IGFL4: variants seen among roughly 807,000 people sequenced by gnomAD.
IGFL4 encodes the protein IGF like family member 4.
In IGFL4, 12 loss-of-function variants were observed where a neutral mutation model predicts 15.4. The observed-to-expected ratio is 0.78, with a 90% CI of 0.50 to 1.26. The LOEUF (loss-of-function observed/expected upper bound fraction) is 1.26, where lower values mean the gene tolerates loss of function less well. IGFL4 is among the 50% of genes most tolerant of loss of function. The pLI is 0.00. For synonymous variants in IGFL4, 54 were observed against 55.9 expected (o/e 0.97, Z 0.16); for missense variants, 126 against 147.8 (o/e 0.85, Z 0.76).
intron 1 of IGFL4, among the ~76,000 whole-genome samples, chr19:46,074,259 A>G (rs559523962): frequency 6.6e-6 from 1 of 151,924 alleles, no homozygotes; most frequent in South Asian, 2.1e-4. Flanking sequence ...GTCTAGAGGG[A>G]CAGAACGAGC....
chr19:46,045,456 G>A (rs8112144), upstream of IGFL4, among the ~76,000 whole-genome samples: 99,802 of 142,742 alleles, frequency 0.7, 35,564 homozygotes, highest in Middle Eastern at 0.75. Context: ...AAAAAAAAAA[G>A]AAAAAGATGG....
intron 2 of IGFL4, among the ~76,000 whole-genome samples, chr19:46,055,298 C>T (rs183951448): frequency 1.3e-5 from 2 of 152,284 alleles, no homozygotes; most frequent in African/African-American, 4.8e-5. Context: ...CACTGTGTTG[C>T]CCAGGCTGGC....
intron 3 of IGFL4, 24 bp from the exon 4 acceptor site, chr19:46,039,960 A>C: frequency 6.2e-7 from 1 of 1,605,408 alleles, no homozygotes; most frequent in Non-Finnish European, 8.5e-7. Context: ...GAAGTGGGAG[A>C]GGGGAATAAG....
chr19:46,066,338 C>T (rs886444162), intron 1 of IGFL4, among the ~76,000 whole-genome samples: 3 of 152,146 alleles, frequency 2.0e-5, no homozygotes, highest in Non-Finnish European at 4.4e-5. Flanking sequence ...TTTAAGTGGG[C>T]ATTCTTATGT....
At chr19:46,072,293 C>T (rs1445466045) in intron 1 of IGFL4, among the ~76,000 whole-genome samples, 6 of 152,142 alleles carry the variant, frequency 3.9e-5, no homozygotes, top group African/African-American at 9.7e-5. Context: ...ACAGCAGTTC[C>T]GCAGAACTAA....
chr19:46,062,184 A>T (rs1489971600), intron 1 of IGFL4, among the ~76,000 whole-genome samples: 1 of 152,254 alleles, frequency 6.6e-6, no homozygotes, highest in African/African-American at 2.4e-5. Flanking sequence ...ACCCAACTTT[A>T]GCCAGGCCAA....
At chr19:46,055,813 G>A (rs1227277214) in intron 2 of IGFL4, among the ~76,000 whole-genome samples, 2 of 152,060 alleles carry the variant, frequency 1.3e-5, no homozygotes, top group Admixed American at 6.6e-5. Flanking sequence ...TACTCATTCT[G>A]TTGCCCAGGC....
chr19:46,075,885 C>T (rs961746079), intron 1 of IGFL4, among the ~76,000 whole-genome samples: 2 of 151,984 alleles, frequency 1.3e-5, no homozygotes, highest in African/African-American at 4.8e-5. Flanking sequence ...TTATTTATAC[C>T]AGTAGGAACT....
upstream of IGFL4, among the ~76,000 whole-genome samples, chr19:46,041,501 G>C (rs954282887): frequency 1.3e-5 from 2 of 152,136 alleles, no homozygotes; most frequent in African/African-American, 4.8e-5. Context: ...AACAGCAGGG[G>C]CTGCAAAACT....
chr19:46,076,287 A>G (rs1034803068), intron 1 of IGFL4, among the ~76,000 whole-genome samples: 2 of 152,244 alleles, frequency 1.3e-5, no homozygotes, highest in Non-Finnish European at 2.9e-5. Flanking sequence ...TTCAGACCAC[A>G]GTAGGGTCAT....
intron 1 of IGFL4, among the ~76,000 whole-genome samples, chr19:46,075,233 G>T (rs561531157): frequency 6.6e-6 from 1 of 152,026 alleles, no homozygotes; most frequent in Non-Finnish European, 1.5e-5. Flanking sequence ...TTTATACCCC[G>T]TTAGTAACTA....
chr19:46,070,583 T>A (rs1969536786), intron 1 of IGFL4, among the ~76,000 whole-genome samples: 1 of 152,110 alleles, frequency 6.6e-6, no homozygotes, highest in South Asian at 2.1e-4. Context: ...TAACTACCCA[T>A]CACCCAGCTC....
At chr19:46,041,312 T>C (rs1220329309), upstream of IGFL4, among the ~76,000 whole-genome samples, 2 of 152,208 alleles carry the variant, frequency 1.3e-5, no homozygotes, top group African/African-American at 4.8e-5. Flanking sequence ...TAACTCTTGC[T>C]TATCTAAGAT....
intron 2 of IGFL4, among the ~76,000 whole-genome samples, chr19:46,048,248 T>A (rs372956679): frequency 6.6e-6 from 1 of 152,176 alleles, no homozygotes; most frequent in African/African-American, 2.4e-5. Context: ...CTCAATAAAC[T>A]AAGTATTGAA....
At position 46,039,759 on chromosome 19, in the gene IGFL4, C is replaced by G. The variant is rs1600667293; in HGVS notation, c.*133G>C. 1.3e-6 allele frequency: 1 copy of G among 766,526 alleles called. No homozygotes were observed. The highest frequency in any genetic ancestry group is 2.6e-5 in the East Asian group (1 of 39,038). The allele number at this position is 766,526 out of a possible 1,614,324, so 47.5% of individuals were successfully genotyped here. ...ATTGATTTTGTATCCTGAGACTTTG[C>G]TGAAGTTGCTTATTTGCACTCCAGC... On this transcript the variant is annotated 3_prime_UTR_variant, in exon 4 of 4. Transcript: ENST00000377697.
At chr19:46,052,381 G>C (rs1349530842) in intron 2 of IGFL4, among the ~76,000 whole-genome samples, 2 of 152,146 alleles carry the variant, frequency 1.3e-5, no homozygotes, top group Non-Finnish European at 2.9e-5. Context: ...TAAATAACCT[G>C]CTCCTGAGTG....
intron 3 of IGFL4, 21 bp from the exon 4 acceptor site, chr19:46,039,957 GA>G: frequency 6.2e-7 from 1 of 1,608,034 alleles, no homozygotes; most frequent in Non-Finnish European, 8.5e-7. Context: ...AGAGAAGTGG[GA>G]GAGGGGAATA....
At chr19:46,042,042 T>C (rs1159078452), upstream of IGFL4, among the ~76,000 whole-genome samples, 2 of 94,142 alleles carry the variant, frequency 2.1e-5, no homozygotes, top group East Asian at 3.9e-4. Context: ...GGTCCTACAA[T>C]GTTCTGGTCT....
intron 1 of IGFL4, among the ~76,000 whole-genome samples, chr19:46,065,457 T>C (rs1969486135): frequency 6.6e-6 from 1 of 152,220 alleles, no homozygotes; most frequent in South Asian, 2.1e-4. Context: ...TACAGGTGCA[T>C]GGCACCATGC....
Sources: gnomAD v4.1 joint callset for allele counts (sites outside exome capture counted in the v4.1 genomes callset) on GRCh38, gnomAD v4.1.1 for gene constraint, MANE v1.5 for transcripts, NCBI Gene and HGNC (gene_info 2026-07-23, HGNC 2026-07-21) for gene names.